PCDH9: variants seen among roughly 807,000 people sequenced by gnomAD.
PCDH9 encodes protocadherin 9.
In PCDH9, 24 loss-of-function variants were observed where a neutral mutation model predicts 70.6. The observed-to-expected ratio is 0.34, with a 90% CI of 0.25 to 0.48. PCDH9 has a LOEUF of 0.48. Among genes scored for constraint, PCDH9 ranks in the 20% least tolerant of loss-of-function variants. PCDH9 has a pLI of 0.99. For missense variants in PCDH9, 1,281 were observed against 1,503.6 expected (o/e 0.85, Z 2.45); for synonymous variants, 562 against 558.5 (o/e 1.01, Z -0.09).
intron 2 of PCDH9, among the ~76,000 whole-genome samples, chr13:67,038,357 A>C (rs2139900796): frequency 6.6e-6 from 1 of 152,340 alleles, no homozygotes; most frequent in East Asian, 1.9e-4. Flanking sequence ...TTAAAAAGAT[A>C]TTTTAAGATC....
In PCDH9 at chr13:66,849,511, TATATATAGAGAG is replaced by T. The variant is rs1466732319; in HGVS notation, c.3138+53981_3138+53992del. Among the ~76,000 whole-genome samples, 19 of 82,174 alleles carry T rather than the reference TATATATAGAGAG, an allele frequency of 2.3e-4. No homozygotes were observed. The South Asian group carries it at 7.7e-3, about 33-fold the overall frequency. The allele number at this position is 82,174 out of a possible 152,430, so 53.9% of individuals were successfully genotyped here. A position where few individuals can be genotyped will look rare whatever the true frequency, so the allele number is the denominator to read the frequency against. On this transcript the variant is annotated intron_variant, in intron 3 of 4. Coordinates refer to ENST00000377865, the MANE Select transcript of PCDH9 (RefSeq NM_203487.3). ...GTATATATATATATATATATATATATATATATAGAGAGAGAGAGAGAGAGAGAGAGAGAGATT... is the reference window on the plus strand; with the variant it reads ...GTATATATATATATATATATATATATAGAGAGAGAGAGAGAGAGAGAGATT...
chr13:66,416,233 T>G (rs1481706631), intron 4 of PCDH9, among the ~76,000 whole-genome samples: 1 of 151,262 alleles, frequency 6.6e-6, no homozygotes, highest in Non-Finnish European at 1.5e-5. Flanking sequence ...GCAATCAAAG[T>G]CCAAAGGAGA....
intron 4 of PCDH9, among the ~76,000 whole-genome samples, chr13:66,543,288 TG>T (rs1961042355): frequency 6.6e-6 from 1 of 152,116 alleles, no homozygotes; most frequent in Non-Finnish European, 1.5e-5. Flanking sequence ...AGTAAAATGA[TG>T]GCCGGGCACA....
At chr13:66,793,773 G>A (rs548797346) in intron 3 of PCDH9, among the ~76,000 whole-genome samples, 13 of 152,234 alleles carry the variant, frequency 8.5e-5, no homozygotes, top group South Asian at 8.3e-4. Context: ...TGTTGTGCTT[G>A]ATTATTGGAG....
intron 2 of PCDH9, among the ~76,000 whole-genome samples, chr13:66,906,419 T>C (rs971697305): frequency 3.9e-5 from 6 of 152,212 alleles, no homozygotes; most frequent in African/African-American, 1.4e-4. Context: ...TGAGAAGTTA[T>C]AGAATTGGAC....
chr13:66,947,831 T>G (rs1179040265), intron 2 of PCDH9, among the ~76,000 whole-genome samples: 1 of 152,094 alleles, frequency 6.6e-6, no homozygotes, highest in East Asian at 1.9e-4. Context: ...GCTAATAAGT[T>G]TATGCTTTAT....
intron 2 of PCDH9, chr13:67,221,371 T>A (rs1380843157): frequency 6.6e-6 from 1 of 152,042 alleles, no homozygotes; most frequent in African/African-American, 2.4e-5. Context: ...TAATATAGTA[T>A]CTCTAAATGG....
intron 2 of PCDH9, among the ~76,000 whole-genome samples, chr13:66,928,860 A>G (rs116650212): frequency 0.22 from 25,325 of 114,516 alleles, 2,480 homozygotes; most frequent in East Asian, 0.35. Context: ...TAACGAGGGA[A>G]AAAAAAATGA....
intron 2 of PCDH9, among the ~76,000 whole-genome samples, chr13:67,055,571 C>T (rs920002383): frequency 6.6e-6 from 1 of 151,632 alleles, no homozygotes; most frequent in Non-Finnish European, 1.5e-5. Context: ...CTGCACTTTG[C>T]GAGGCTGAAG....
chr13:67,197,139 A>C (rs961008411), intron 2 of PCDH9, among the ~76,000 whole-genome samples: 11 of 152,010 alleles, frequency 7.2e-5, no homozygotes, highest in Non-Finnish European at 1.3e-4. Flanking sequence ...CATCAAAAGG[A>C]GTCTAAATTT....
intron 2 of PCDH9, among the ~76,000 whole-genome samples, chr13:66,969,895 G>A (rs1477704711): frequency 4.6e-5 from 7 of 151,980 alleles, no homozygotes; most frequent in Admixed American, 1.3e-4. Context: ...AAGCAAAAGT[G>A]CTTTCTGGAA....
intron 3 of PCDH9, among the ~76,000 whole-genome samples, chr13:66,651,751 C>G (rs1464708421): frequency 6.6e-6 from 1 of 151,840 alleles, no homozygotes; most frequent in African/African-American, 2.4e-5. Flanking sequence ...AACATTGATG[C>G]AAATATCCTC....
At chr13:67,129,661 T>C (rs2087062535) in intron 2 of PCDH9, among the ~76,000 whole-genome samples, 1 of 151,898 alleles carries the variant, frequency 6.6e-6, no homozygotes, top group African/African-American at 2.4e-5. Context: ...GAGGTAATCG[T>C]ATATTCCATA....
intron 4 of PCDH9, among the ~76,000 whole-genome samples, chr13:66,538,207 A>G (rs12868791): frequency 0.24 from 35,734 of 151,874 alleles, 4,636 homozygotes; most frequent in South Asian, 0.34. Context: ...AGAAAGAAAG[A>G]TGATGCGGTA....
At chr13:67,033,728 G>A (rs1276341375) in intron 2 of PCDH9, among the ~76,000 whole-genome samples, 2 of 152,274 alleles carry the variant, frequency 1.3e-5, no homozygotes, top group African/African-American at 4.8e-5. Context: ...TGCAATATGA[G>A]CTTATTAAGT....
chr13:66,488,530 A>G (rs1407765572), intron 4 of PCDH9, among the ~76,000 whole-genome samples: 2 of 152,192 alleles, frequency 1.3e-5, no homozygotes, highest in Non-Finnish European at 2.9e-5. Flanking sequence ...ATGTGGCACA[A>G]GTATAAAAAC....
intron 4 of PCDH9, among the ~76,000 whole-genome samples, chr13:66,572,483 C>T (rs1207388883): frequency 1.3e-5 from 2 of 152,128 alleles, no homozygotes; most frequent in Admixed American, 1.3e-4. Context: ...CTGGGCCTGG[C>T]TTCTTTCACT....
Position 66,963,622 on chromosome 13 carries a change from T to C in PCDH9, c.3037-60017A>G, listed in dbSNP as rs562949615. 2.0e-5 allele frequency among the ~76,000 whole-genome samples: 3 copies of C among 152,320 alleles called. No individual in the cohort carries two copies. In the East Asian group the frequency reaches 5.8e-4, roughly 29 times the overall value. On this transcript the variant is annotated intron_variant, in intron 2 of 4. Transcript: ENST00000377865. ...CTTAAAAATTTGTCCCCTTTTCCCG[T>C]TTAAATAATGCAGAGATTATGTGAT...
At chr13:66,495,163 T>A (rs945361043) in intron 4 of PCDH9, among the ~76,000 whole-genome samples, 9 of 152,128 alleles carry the variant, frequency 5.9e-5, no homozygotes, top group African/African-American at 1.7e-4. Context: ...ATTTTCATAA[T>A]TAAAAGTAAG....
Sources: gnomAD v4.1 joint callset for allele counts (sites outside exome capture counted in the v4.1 genomes callset) on GRCh38, gnomAD v4.1.1 for gene constraint, MANE v1.5 for transcripts, NCBI Gene and HGNC (gene_info 2026-07-23, HGNC 2026-07-21) for gene names.